Variants in DSCAM observed in about 807,000 individuals in gnomAD.
DSCAM encodes the protein cell adhesion molecule DSCAM.
Under a neutral mutation model 217.7 loss-of-function variants are expected in DSCAM, and 47 were observed. That is an observed-to-expected ratio of 0.22 (90% confidence interval 0.17 to 0.28). The LOEUF is 0.28. DSCAM is among the 10% of genes least tolerant of loss of function. The probability of loss-of-function intolerance (pLI) is 1.00; values close to 1 mark genes in which losing one functional copy is unlikely to be tolerated. For synonymous variants in DSCAM, 1,056 were observed against 1,015.3 expected (o/e 1.04, Z -0.76); for missense variants, 2,080 against 2,618.3 (o/e 0.79, Z 4.49).
intron 30 of DSCAM, 149 bp from the exon 31 acceptor site, chr21:40,044,424 A>C (rs183185946): frequency 1.6e-5 from 12 of 729,358 alleles, no homozygotes; most frequent in East Asian, 1.1e-4. Context: ...TGCAGAGGAT[A>C]CTTTCCCTTT....
intron 3 of DSCAM, among the ~76,000 whole-genome samples, chr21:40,405,962 A>G (rs1193147907): frequency 6.6e-6 from 1 of 152,224 alleles, no homozygotes; most frequent in Non-Finnish European, 1.5e-5. Context: ...GCACCACTGC[A>G]CTCCAGCCTG....
chr21:40,149,663 C>T lies in DSCAM; in HGVS notation c.3019-4932G>A, dbSNP rs1253423992. 4.8e-5 allele frequency among the ~76,000 whole-genome samples: 7 copies of T among 147,044 alleles called. 1 individual carries two copies. Among genetic ancestry groups the T allele is most frequent in the African/African-American group, 1.5e-4 (6 of 38,906 alleles). On this transcript the variant is annotated intron_variant, in intron 16 of 32. Coordinates refer to ENST00000400454, the MANE Select transcript of DSCAM (RefSeq NM_001389.5). Reference sequence around the variant, plus strand: ...ACTATCACCACCACCATCCATCGCTCCATCACTATCCCAACACCACCATCA... The same window carrying T: ...ACTATCACCACCACCATCCATCGCTTCATCACTATCCCAACACCACCATCA...
At chr21:40,494,943 T>C (rs1439544990) in intron 3 of DSCAM, among the ~76,000 whole-genome samples, 2 of 150,680 alleles carry the variant, frequency 1.3e-5, no homozygotes, top group Admixed American at 6.6e-5. Context: ...CGAAGGATTA[T>C]AAAAAGCTAA....
intron 11 of DSCAM, among the ~76,000 whole-genome samples, chr21:40,207,276 A>G (rs1173717645): frequency 2.6e-5 from 4 of 152,214 alleles, no homozygotes; most frequent in Non-Finnish European, 5.9e-5. Context: ...AATTCTTTCT[A>G]TAATTTCTTT....
At chr21:40,668,614 C>T (rs1469859728) in intron 3 of DSCAM, among the ~76,000 whole-genome samples, 1 of 152,184 alleles carries the variant, frequency 6.6e-6, no homozygotes, top group Non-Finnish European at 1.5e-5. Flanking sequence ...CACCAAGCTA[C>T]TCAATCAGAA....
chr21:40,487,275 G>C (rs60486310), intron 3 of DSCAM, among the ~76,000 whole-genome samples: 1,515 of 147,196 alleles, frequency 0.01, 24 homozygotes, highest in African/African-American at 0.034. Flanking sequence ...CTCTCTCTCT[G>C]TGTGTGTGCA....
At chr21:40,239,993 C>T (rs2073127235) in intron 11 of DSCAM, among the ~76,000 whole-genome samples, 2 of 152,198 alleles carry the variant, frequency 1.3e-5, no homozygotes, top group African/African-American at 2.4e-5. Flanking sequence ...CACTGCACAT[C>T]GCCTCTACCA....
chr21:40,069,614 C>T (rs1252008769), intron 27 of DSCAM, among the ~76,000 whole-genome samples: 1 of 152,196 alleles, frequency 6.6e-6, no homozygotes, highest in Non-Finnish European at 1.5e-5. Context: ...TAGGTTAATA[C>T]TTCTACTGGG....
intron 1 of DSCAM, among the ~76,000 whole-genome samples, chr21:40,779,949 G>A (rs371115774): frequency 6.6e-6 from 1 of 152,170 alleles, no homozygotes; most frequent in Non-Finnish European, 1.5e-5. Context: ...ATATCCATGG[G>A]AAGGAAAAAA....
chr21:40,783,801 C>T (rs1281757245), intron 1 of DSCAM, among the ~76,000 whole-genome samples: 1 of 152,140 alleles, frequency 6.6e-6, no homozygotes, highest in Non-Finnish European at 1.5e-5. Flanking sequence ...GACTGTGATG[C>T]TTTAAGGATG....
At chr21:40,796,888 AAAGAC>A (rs1252628401) in intron 1 of DSCAM, among the ~76,000 whole-genome samples, 2 of 152,206 alleles carry the variant, frequency 1.3e-5, no homozygotes, top group African/African-American at 4.8e-5. Flanking sequence ...TCCAGATTGG[AAAGAC>A]AAGAGTATCC....
Position 40,512,657 on chromosome 21 carries a change from G to A in DSCAM, c.509-143412C>T, listed in dbSNP as rs147004825. Among the ~76,000 whole-genome samples the A allele has an allele frequency of 5.0e-3, 765 of 151,982 alleles. 3 individuals carry two copies. The highest frequency in any genetic ancestry group is 8.8e-3 in the Non-Finnish European group (599 of 68,002). On this transcript the variant is annotated intron_variant, in intron 3 of 32. Transcript: ENST00000400454. The stretch of plus-strand genomic sequence containing the variant: ...TGATAGAAACTGTTGTCCATTTGTC[G>A]ATTTGTACCGTTGCTCAGTGAAGTT...
intron 3 of DSCAM, among the ~76,000 whole-genome samples, chr21:40,468,823 C>T (rs921534495): frequency 6.6e-6 from 1 of 151,732 alleles, no homozygotes; most frequent in Non-Finnish European, 1.5e-5. Flanking sequence ...GAGATTTGTA[C>T]AACAAAATAA....
At chr21:40,597,138 AATAG>A (rs1469954233) in intron 3 of DSCAM, among the ~76,000 whole-genome samples, 1 of 152,196 alleles carries the variant, frequency 6.6e-6, no homozygotes, top group Non-Finnish European at 1.5e-5. Context: ...ACTCTCAATA[AATAG>A]TAAGCACTCA....
At position 40,404,876 on chromosome 21, in the gene DSCAM, A is replaced by C. The variant is rs551893154; in HGVS notation, c.509-35631T>G. ...TGGATCATCTTTCCTAAAATGACTG[A>C]TATTCATGAGGTCAGCAGGCACACC... is the stretch of plus-strand genomic sequence containing the variant. On this transcript the variant is annotated intron_variant, in intron 3 of 32. Coordinates refer to ENST00000400454, the MANE Select transcript of DSCAM (RefSeq NM_001389.5). Among the ~76,000 whole-genome samples the C allele has an allele frequency of 2.6e-5, 4 of 152,358 alleles. No individual in the cohort carries two copies. The East Asian group carries it at 7.7e-4, about 29-fold the overall frequency.
intron 3 of DSCAM, among the ~76,000 whole-genome samples, chr21:40,533,285 T>C (rs1489047356): frequency 6.6e-6 from 1 of 152,246 alleles, no homozygotes; most frequent in African/African-American, 2.4e-5. Flanking sequence ...TTCCTTTTCA[T>C]TGCTCTATAT....
chr21:40,602,388 A>G (rs994819312), intron 3 of DSCAM, among the ~76,000 whole-genome samples: 47 of 152,284 alleles, frequency 3.1e-4, no homozygotes, highest in Admixed American at 2.0e-4. Flanking sequence ...AGAGATTGCA[A>G]AGAATTGGTA....
intron 3 of DSCAM, among the ~76,000 whole-genome samples, chr21:40,605,644 G>A (rs1861928364): frequency 6.6e-6 from 1 of 152,194 alleles, no homozygotes; most frequent in Non-Finnish European, 1.5e-5. Context: ...CATTTGGCCT[G>A]TGAGCCCCAT....
At chr21:40,386,104 C>T (rs2123743143) in intron 3 of DSCAM, among the ~76,000 whole-genome samples, 1 of 152,270 alleles carries the variant, frequency 6.6e-6, no homozygotes, top group South Asian at 2.1e-4. Context: ...TAATTACGTG[C>T]ACTGCAATTT....
Sources: gnomAD v4.1 joint callset for allele counts (sites outside exome capture counted in the v4.1 genomes callset) on GRCh38, gnomAD v4.1.1 for gene constraint, MANE v1.5 for transcripts, NCBI Gene and HGNC (gene_info 2026-07-23, HGNC 2026-07-21) for gene names.